The following ITCH variants were observed in gnomAD, a reference collection of about 807,000 sequenced individuals.
ITCH encodes itchy E3 ubiquitin protein ligase, also known as E3 ubiquitin-protein ligase Itchy homolog.
ITCH carries 28 observed loss-of-function variants against 126.8 expected under a neutral mutation model. That is an observed-to-expected ratio of 0.22 (90% CI 0.16 to 0.30). ITCH has a LOEUF of 0.30. Among genes scored for constraint, ITCH ranks in the 10% least tolerant of loss-of-function variants. ITCH has a pLI of 1.00. For missense variants in ITCH, 631 were observed against 1,032.4 expected, an observed-to-expected ratio of 0.61 and a Z score of 5.33; for synonymous variants, 342 against 340.0, an observed-to-expected ratio of 1.01 and a Z score of -0.06.
chr20:34,467,601 A>T (rs374174524), intron 14 of ITCH, among the ~76,000 whole-genome samples: 1 of 151,908 alleles, frequency 6.6e-6, no homozygotes, highest in African/African-American at 2.4e-5. Context: ...AGGTTCATCA[A>T]ACTTATAAGT....
At position 34,474,843 on chromosome 20, in the gene ITCH, C is replaced by CT. The variant is rs536898356; in HGVS notation, c.1570-2928dup. 4.2e-3 allele frequency among the ~76,000 whole-genome samples: 642 copies of CT among 152,092 alleles called. 7 individuals are homozygous for CT. The highest frequency in any genetic ancestry group is 0.015 in the African/African-American group (602 of 41,486). On this transcript the variant is annotated intron_variant, in intron 16 of 24. Transcript: ENST00000374864. ...ACAGGGTGGCTGCCGGGTGGAGACGCTCCTCACTTCCCAGACGGGGCGGCT... is the reference window on the plus strand; with the variant it reads ...ACAGGGTGGCTGCCGGGTGGAGACGCTTCCTCACTTCCCAGACGGGGCGGCT...
intron 12 of ITCH, among the ~76,000 whole-genome samples, chr20:34,455,083 T>C (rs1985749288): frequency 6.6e-6 from 1 of 152,070 alleles, no homozygotes; most frequent in South Asian, 2.1e-4. Context: ...GCCTGCCTTA[T>C]AACTCCCAGA....
chr20:34,472,398 C>T (rs1375459396), intron 16 of ITCH, among the ~76,000 whole-genome samples: 2 of 103,132 alleles, frequency 1.9e-5, no homozygotes, highest in Non-Finnish European at 4.2e-5. Context: ...AAAAAAAAAA[C>T]TTGAGTTAGT....
chr20:34,480,607 C>T lies in ITCH; in HGVS notation c.1827C>T (p.Phe609=). 6.2e-7 allele frequency: 1 copy of T among 1,613,712 alleles called. No homozygotes were observed. Among genetic ancestry groups the T allele is most frequent in the Non-Finnish European group, 8.5e-7 (1 of 1,179,794 alleles). The change falls in exon 19 of 25, where the codon TTC becomes TTT. Residue 609 remains phenylalanine (F), a synonymous_variant. Coordinates refer to ENST00000374864, the MANE Select transcript of ITCH (RefSeq NM_031483.7). Reference sequence around the variant, plus strand: ...GTTTCCTTTTTTCATAGGCTCTGTTCCATGGGAAATTCATAGACACGGGTT... The same window carrying T: ...GTTTCCTTTTTTCATAGGCTCTGTTTCATGGGAAATTCATAGACACGGGTT... The part of the protein sequence containing the change: ...FIGRFIAMAL[F]HGKFIDTGFS...
At chr20:34,407,192 TA>T (rs369780947) in intron 3 of ITCH, among the ~76,000 whole-genome samples, 128 of 150,552 alleles carry the variant, frequency 8.5e-4, no homozygotes, top group African/African-American at 2.8e-3. Flanking sequence ...TATGAGATGT[TA>T]AAAAAAAAAT....
At chr20:34,504,271 G>A (rs369451237) in intron 23 of ITCH, 60 bp from the exon 24 acceptor site, 32 of 1,246,394 alleles carry the variant, frequency 2.6e-5, no homozygotes. Flanking sequence ...TGTTGGATTG[G>A]GGAACACAGT....
chr20:34,417,114 T>A (rs771479803), intron 6 of ITCH: 64 of 654,320 alleles, frequency 9.8e-5, no homozygotes, highest in South Asian at 9.2e-4. Flanking sequence ...TTTTTTTTTT[T>A]AGATGGGGTT....
intron 14 of ITCH, among the ~76,000 whole-genome samples, chr20:34,466,920 G>A (rs2146398412): frequency 6.6e-6 from 1 of 152,132 alleles, no homozygotes; most frequent in East Asian, 1.9e-4. Flanking sequence ...GTAAGTACAA[G>A]AAAGGAAATA....
intron 16 of ITCH, chr20:34,476,218 C>T: frequency 1.2e-6 from 1 of 804,112 alleles, no homozygotes; most frequent in African/African-American, 1.7e-5. Flanking sequence ...CAGAGAATCA[C>T]CAACTTTTCC....
chr20:34,401,341 T>C (rs1446697805), intron 3 of ITCH, among the ~76,000 whole-genome samples: 2 of 152,200 alleles, frequency 1.3e-5, no homozygotes, highest in East Asian at 3.8e-4. Context: ...CCATTTGTTC[T>C]GTTTCAAAGG....
chr20:34,466,187 C>A (rs78519341), intron 14 of ITCH: 2 of 239,972 alleles, frequency 8.3e-6, no homozygotes, highest in South Asian at 4.2e-5. Flanking sequence ...GTGATTTTTT[C>A]CCCCCCTCAT....
intron 5 of ITCH, among the ~76,000 whole-genome samples, chr20:34,412,981 TAC>T (rs1979260685): frequency 6.6e-6 from 1 of 151,968 alleles, no homozygotes; most frequent in African/African-American, 2.4e-5. Flanking sequence ...TGAATATTTT[TAC>T]AGATTTCCTT....
In ITCH at chr20:34,457,600, GA is replaced by G. The variant is rs1986129062; in HGVS notation, c.1295+129del. The G allele has an allele frequency of 4.3e-6, 3 of 700,468 alleles. 1 individual carries two copies. In the Admixed American group the frequency reaches 6.8e-5, roughly 16 times the overall value. The allele number at this position is 700,468 out of a possible 1,614,324, so 43.4% of individuals were successfully genotyped here. On this transcript the variant is annotated intron_variant, in intron 13 of 24. Transcript: ENST00000374864. Reference sequence around the variant, plus strand: ...AAACGTTAATCACCTACATACTTTGGAAAGAGAAAATTATACTATTATTTTC... The same window carrying G: ...AAACGTTAATCACCTACATACTTTGGAAGAGAAAATTATACTATTATTTTC...
At chr20:34,377,849 C>T (rs2037905225) in intron 2 of ITCH, among the ~76,000 whole-genome samples, 1 of 147,064 alleles carries the variant, frequency 6.8e-6, no homozygotes, top group Admixed American at 6.8e-5. Flanking sequence ...CCAGCCTAGG[C>T]AACAGAGTGA....
intron 2 of ITCH, among the ~76,000 whole-genome samples, chr20:34,370,095 C>A (rs1300053953): frequency 6.8e-6 from 1 of 146,498 alleles, no homozygotes; most frequent in Non-Finnish European, 1.5e-5. Context: ...CAGAGTGAGA[C>A]CCTGTCTCGG....
At chr20:34,427,315 G>A (rs1981669513) in intron 7 of ITCH, among the ~76,000 whole-genome samples, 1 of 152,170 alleles carries the variant, frequency 6.6e-6, no homozygotes, top group African/African-American at 2.4e-5. Flanking sequence ...GCCGGTCATG[G>A]TAGCTCACAC....
chr20:34,478,474 A>G (rs1295531258), intron 17 of ITCH, among the ~76,000 whole-genome samples: 2 of 152,236 alleles, frequency 1.3e-5, no homozygotes, highest in African/African-American at 2.4e-5. Flanking sequence ...ATGATAATAT[A>G]TCACACCAGG....
intron 2 of ITCH, among the ~76,000 whole-genome samples, chr20:34,374,370 A>C (rs2037755506): frequency 6.6e-6 from 1 of 152,128 alleles, no homozygotes; most frequent in African/African-American, 2.4e-5. Flanking sequence ...TGGTGGTATG[A>C]TCTTGGCCAA....
intron 12 of ITCH, among the ~76,000 whole-genome samples, chr20:34,451,219 G>A (rs1258063860): frequency 6.6e-6 from 1 of 151,984 alleles, no homozygotes; most frequent in African/African-American, 2.4e-5. Flanking sequence ...GAACCCGGGA[G>A]GCGGAGGTTG....
Sources: allele counts gnomAD v4.1 joint callset (sites outside exome capture counted in the v4.1 genomes callset), GRCh38; gene constraint gnomAD v4.1.1; transcripts MANE v1.5; gene names NCBI Gene and HGNC (gene_info 2026-07-23, HGNC 2026-07-21).